The following PPP1R9A variants were observed in gnomAD, a reference collection of about 807,000 sequenced individuals.
PPP1R9A encodes neurabin-1.
A neutral mutation model predicts 141.9 loss-of-function variants in PPP1R9A; 59 were observed. That is an observed-to-expected ratio of 0.42 (90% CI 0.34 to 0.52). PPP1R9A has a LOEUF of 0.52. Ranked by LOEUF, PPP1R9A falls within the 20% of genes least tolerant of loss-of-function variation. The pLI, the probability that PPP1R9A is intolerant of heterozygous loss-of-function variation, is 0.10. For missense variants in PPP1R9A, 1,444 were observed against 1,611.9 expected (o/e 0.90, Z 1.78); for synonymous variants, 500 against 569.7 (o/e 0.88, Z 1.74).
chr7:95,068,468 C>G (rs1813277647), intron 2 of PPP1R9A, among the ~76,000 whole-genome samples: 1 of 47,784 alleles, frequency 2.1e-5, no homozygotes, highest in Non-Finnish European at 3.3e-5. Flanking sequence ...AGACTCTTGT[C>G]TCAAGAAAAA....
chr7:95,148,037 G>C (rs535010731), intron 4 of PPP1R9A, among the ~76,000 whole-genome samples: 3 of 152,102 alleles, frequency 2.0e-5, no homozygotes, highest in South Asian at 4.1e-4. Context: ...TAAAAATTTT[G>C]GGATGCTGTA....
At chr7:94,947,664 T>A (rs557166587) in intron 2 of PPP1R9A, among the ~76,000 whole-genome samples, 1 of 152,096 alleles carries the variant, frequency 6.6e-6, no homozygotes, top group Non-Finnish European at 1.5e-5. Flanking sequence ...GTGTCACTTA[T>A]GTTGAGAAGA....
At chr7:95,250,308 AT>A (rs1798698585) in intron 10 of PPP1R9A, 53 bp downstream of exon 10, 8 of 1,449,286 alleles carry the variant, frequency 5.5e-6, no homozygotes, top group Non-Finnish European at 7.5e-6. Flanking sequence ...AAGAAGGTTT[AT>A]GTCCAATAAT....
chr7:95,047,116 G>A (rs1810133825), intron 2 of PPP1R9A, among the ~76,000 whole-genome samples: 1 of 152,214 alleles, frequency 6.6e-6, no homozygotes, highest in African/African-American at 2.4e-5. Flanking sequence ...ATAGTTGGCA[G>A]CAGCTGAGAT....
chr7:94,933,796 C>T (rs1445199337), intron 2 of PPP1R9A, among the ~76,000 whole-genome samples: 1 of 152,140 alleles, frequency 6.6e-6, no homozygotes, highest in Non-Finnish European at 1.5e-5. Context: ...ACAGACCCAG[C>T]ATGCAGCCTA....
intron 2 of PPP1R9A, among the ~76,000 whole-genome samples, chr7:94,933,603 C>T (rs1794423634): frequency 6.6e-6 from 1 of 152,008 alleles, no homozygotes; most frequent in Admixed American, 6.6e-5. Context: ...TGTTTTGTTC[C>T]AAAATGATAA....
chr7:94,937,868 A>T (rs1794932186), intron 2 of PPP1R9A, among the ~76,000 whole-genome samples: 1 of 152,198 alleles, frequency 6.6e-6, no homozygotes, highest in South Asian at 2.1e-4. Flanking sequence ...AAGATAGGGC[A>T]CTGGAAAGGC....
chr7:95,258,786 C>G (rs1165523957), intron 12 of PPP1R9A, among the ~76,000 whole-genome samples: 1 of 151,902 alleles, frequency 6.6e-6, no homozygotes, highest in African/African-American at 2.4e-5. Flanking sequence ...AAACAATTGG[C>G]AAAGATAAAG....
intron 2 of PPP1R9A, among the ~76,000 whole-genome samples, chr7:95,038,452 C>T (rs944540352): frequency 6.6e-6 from 1 of 152,160 alleles, no homozygotes; most frequent in African/African-American, 2.4e-5. Context: ...ACCAGTTTCT[C>T]ACAGATGATC....
chr7:95,107,724 C>T (rs1343641461), intron 2 of PPP1R9A, among the ~76,000 whole-genome samples: 1 of 152,230 alleles, frequency 6.6e-6, no homozygotes, highest in African/African-American at 2.4e-5. Context: ...TTGATATCCA[C>T]TAGGGCCTGA....
intron 2 of PPP1R9A, among the ~76,000 whole-genome samples, chr7:95,065,763 C>A (rs1370289329): frequency 6.6e-6 from 1 of 152,106 alleles, no homozygotes; most frequent in Admixed American, 6.6e-5. Context: ...TGATATCACT[C>A]CCACAGAACA....
intron 2 of PPP1R9A, among the ~76,000 whole-genome samples, chr7:95,081,360 A>C (rs369694972): frequency 6.6e-6 from 1 of 152,216 alleles, no homozygotes; most frequent in Non-Finnish European, 1.5e-5. Flanking sequence ...ATATTAAAAT[A>C]GTTATTTTAA....
intron 6 of PPP1R9A, among the ~76,000 whole-genome samples, chr7:95,200,497 C>G (rs546733070): frequency 6.6e-6 from 1 of 151,876 alleles, no homozygotes; most frequent in South Asian, 2.1e-4. Context: ...CCAGGCCTGT[C>G]TTGAACTCCT....
intron 5 of PPP1R9A, among the ~76,000 whole-genome samples, chr7:95,193,921 G>T (rs1049113707): frequency 1.3e-5 from 2 of 151,962 alleles, no homozygotes; most frequent in Admixed American, 6.6e-5. Context: ...TAAACTAAAA[G>T]ATCTGACAAC....
chr7:95,061,536 G>C (rs1056063277), intron 2 of PPP1R9A, among the ~76,000 whole-genome samples: 2 of 152,126 alleles, frequency 1.3e-5, no homozygotes, highest in Non-Finnish European at 2.9e-5. Context: ...AAGAGTTTGA[G>C]ACCAGGCTGG....
At position 95,111,244 on chromosome 7, in the gene PPP1R9A, G is replaced by A. The variant is rs1413318864; in HGVS notation, c.1396-15G>A. 3 of 1,520,384 alleles carry A rather than the reference G, an allele frequency of 2.0e-6. No individual in the cohort carries two copies. Among genetic ancestry groups the A allele is most frequent in the Non-Finnish European group, 2.7e-6 (3 of 1,131,704 alleles). 94.2% of individuals were successfully genotyped at this position (1,520,384 alleles called of 1,614,324 possible). A position where few individuals can be genotyped will look rare whatever the true frequency, so the allele number is the denominator to read the frequency against. On this transcript the variant is annotated splice_polypyrimidine_tract_variant and intron_variant, in intron 2 of 19. Coordinates refer to ENST00000433360, the MANE Select transcript of PPP1R9A (RefSeq NM_001166160.2). ...TTTTTTTCTGTATTATCATCTTGTT[G>A]GCCTCTTACTACAGGTTTTCAACAC...
intron 2 of PPP1R9A, among the ~76,000 whole-genome samples, chr7:95,049,343 A>G (rs1438736492): frequency 1.3e-5 from 2 of 152,174 alleles, no homozygotes; most frequent in Admixed American, 1.3e-4. Flanking sequence ...AGATTGGGTT[A>G]AAAAAAGAGG....
chr7:95,069,984 A>C (rs1409352641), intron 2 of PPP1R9A, among the ~76,000 whole-genome samples: 1 of 152,172 alleles, frequency 6.6e-6, no homozygotes, highest in Non-Finnish European at 1.5e-5. Flanking sequence ...TGAGCCTACA[A>C]CCATAAAATT....
At chr7:95,189,927 T>C (rs1271769113) in intron 5 of PPP1R9A, among the ~76,000 whole-genome samples, 1 of 152,142 alleles carries the variant, frequency 6.6e-6, no homozygotes, top group Non-Finnish European at 1.5e-5. Context: ...TATCTGTTTT[T>C]CTGGAGCATT....
Sources: gnomAD v4.1 joint callset for allele counts (sites outside exome capture counted in the v4.1 genomes callset) on GRCh38, gnomAD v4.1.1 for gene constraint, MANE v1.5 for transcripts, NCBI Gene and HGNC (gene_info 2026-07-23, HGNC 2026-07-21) for gene names.